Variants in SCAF1 observed in about 807,000 individuals in gnomAD.
The protein encoded by SCAF1 is splicing factor, arginine/serine-rich 19.
SCAF1 carries 28 observed loss-of-function variants against 91.2 expected under a neutral mutation model. The ratio of observed to expected loss-of-function variants is 0.31; its 90% CI spans 0.23 to 0.42. SCAF1 has a LOEUF of 0.42. Among genes scored for constraint, SCAF1 ranks in the 10% least tolerant of loss-of-function variants. The probability of loss-of-function intolerance (pLI) is 1.00; values close to 1 mark genes in which losing one functional copy is unlikely to be tolerated. For missense variants in SCAF1, 1,893 were observed against 1,872.1 expected, an observed-to-expected ratio of 1.01 and a Z score of -0.21; for synonymous variants, 1,036 against 833.7, an observed-to-expected ratio of 1.24 and a Z score of -4.18.
Position 49,653,681 on chromosome 19 carries a change from T to C in SCAF1, c.3292T>C (p.Cys1098Arg). 1 of 1,581,496 alleles carries C rather than the reference T, an allele frequency of 6.3e-7. No homozygotes were observed. The highest frequency in any genetic ancestry group is 8.6e-7 in the Non-Finnish European group (1 of 1,169,152). Residue 1098 changes from cysteine (C) to arginine (R), a missense_variant, in exon 7 of 11, where the codon TGC becomes CGC. Around this residue, in one of 5 missense-constraint regions of SCAF1, gnomAD observed 1,436 missense variants for 1,306.8 expected, o/e 1.10. Coordinates refer to ENST00000360565, the MANE Select transcript of SCAF1 (RefSeq NM_021228.3). ...MPWNLPAGVD[C>R]TTSGVLALTA... ...CTGGAATCTGCCAGCTGGTGTGGAC[T>C]GCACCACCAGCGGCGTCCTGGCCTG...
intron 6 of SCAF1, 30 bp from the exon 7 acceptor site, chr19:49,650,838 G>C (rs374219952): frequency 2.5e-6 from 4 of 1,571,104 alleles, no homozygotes; most frequent in Non-Finnish European, 3.5e-6. Context: ...CAAAGGCCCT[G>C]ACCGCCTCTC....
Sources: gnomAD v4.1 joint callset for allele counts on GRCh38, gnomAD v4.1.1 for gene constraint, gnomAD v4.1.1 regional missense constraint, MANE v1.5 for transcripts, NCBI Gene and HGNC (gene_info 2026-07-23, HGNC 2026-07-21) for gene names.